Variants in COL25A1 observed in about 807,000 individuals in gnomAD.
COL25A1 encodes collagen type XXV alpha 1 chain.
COL25A1 carries 103 observed loss-of-function variants against 128.4 expected under a neutral mutation model. The observed-to-expected ratio is 0.80, with a 90% CI of 0.68 to 0.94. COL25A1 has a LOEUF of 0.94. COL25A1 is among the 40% of genes least tolerant of loss of function. COL25A1 has a pLI of 0.00. For missense variants in COL25A1, 745 were observed against 840.0 expected, an observed-to-expected ratio of 0.89 and a Z score of 1.40; for synonymous variants, 279 against 277.2, an observed-to-expected ratio of 1.01 and a Z score of -0.06.
chr4:109,193,042 C>T (rs1352794134), intron 3 of COL25A1, among the ~76,000 whole-genome samples: 1 of 151,958 alleles, frequency 6.6e-6, no homozygotes, highest in African/African-American at 2.4e-5. Flanking sequence ...ATTTCTATAT[C>T]GTTGTGTAAT....
At chr4:108,910,142 G>A (rs1744035455) in intron 13 of COL25A1, among the ~76,000 whole-genome samples, 1 of 152,112 alleles carries the variant, frequency 6.6e-6, no homozygotes, top group African/African-American at 2.4e-5. Context: ...CATTTTTAAA[G>A]TCTTAAAACC....
rs940715059 is a variant in COL25A1, at chr4:108,811,580, A to C, written c.*2347T>G. ...AGGGAAAAAAATATAGCCACTGGAC[A>C]CTGTAGTTTGTTTTCCTGAAGAGAA... is the stretch of plus-strand genomic sequence containing the variant. On this transcript the variant is annotated 3_prime_UTR_variant, in exon 38 of 38. Transcript: ENST00000399132. 7.9e-5 allele frequency: 12 copies of C among 152,102 alleles called. No individual in the cohort carries two copies. Among genetic ancestry groups the C allele is most frequent in the African/African-American group, 2.9e-4 (12 of 41,446 alleles). The allele number at this position is 152,102 out of a possible 1,614,324, so 9.4% of individuals were successfully genotyped here. A position where few individuals can be genotyped will look rare whatever the true frequency, so the allele number is the denominator to read the frequency against.
At chr4:108,961,056 C>T (rs1750626086) in intron 8 of COL25A1, among the ~76,000 whole-genome samples, 1 of 152,020 alleles carries the variant, frequency 6.6e-6, no homozygotes, top group African/African-American at 2.4e-5. Flanking sequence ...AATTTTTGTG[C>T]AAAAAGCTAA....
chr4:109,128,294 G>T (rs192531472), intron 3 of COL25A1, among the ~76,000 whole-genome samples: 5 of 152,270 alleles, frequency 3.3e-5, no homozygotes, highest in Non-Finnish European at 7.3e-5. Flanking sequence ...ACCATTCCTT[G>T]TTCAAAATTT....
intron 13 of COL25A1, among the ~76,000 whole-genome samples, chr4:108,913,261 C>CTTTTTTTTTTTTTTGTTTTT (rs1744456767): frequency 1.1e-5 from 1 of 92,396 alleles, no homozygotes; most frequent in Non-Finnish European, 2.1e-5. Context: ...TCTCTAGCTC[C>CTTTTTTTTTTTTTTGTTTTT]TTTTTTTTTT....
In COL25A1 at chr4:109,062,316, G is replaced by A. The variant is rs185220471; in HGVS notation, c.368-12137C>T. On this transcript the variant is annotated intron_variant, in intron 3 of 37. Coordinates refer to ENST00000399132, the MANE Select transcript of COL25A1 (RefSeq NM_198721.4). ...AAGGTAATTTCAAAGTAGAATTTGA[G>A]TTATTTTATTTTGCAACTTAACTAT... 5.9e-5 allele frequency among the ~76,000 whole-genome samples: 9 copies of A among 152,250 alleles called. No homozygotes were observed. In the East Asian group the frequency reaches 1.4e-3, roughly 23 times the overall value.
intron 3 of COL25A1, among the ~76,000 whole-genome samples, chr4:109,232,360 A>T (rs1394787310): frequency 1.3e-5 from 2 of 151,968 alleles, no homozygotes; most frequent in Non-Finnish European, 2.9e-5. Flanking sequence ...TTACAAGATG[A>T]CTTTAGATAT....
chr4:108,855,191 G>GTTTTTT (rs35873529), intron 24 of COL25A1, among the ~76,000 whole-genome samples: 1 of 131,936 alleles, frequency 7.6e-6, no homozygotes, highest in Non-Finnish European at 1.6e-5. Context: ...TGTTGTTACT[G>GTTTTTT]TTTTTTTTTT....
intron 3 of COL25A1, among the ~76,000 whole-genome samples, chr4:109,163,856 T>C (rs1772816432): frequency 6.6e-6 from 1 of 152,184 alleles, no homozygotes. Flanking sequence ...AATAAATAAT[T>C]CATAAGGATT....
chr4:109,037,494 C>T (rs1759461139), intron 5 of COL25A1, among the ~76,000 whole-genome samples: 1 of 152,194 alleles, frequency 6.6e-6, no homozygotes, highest in Non-Finnish European at 1.5e-5. Context: ...CTTGGCCAGC[C>T]CCTCTGCTGG....
chr4:109,065,550 G>A (rs1415666040), intron 3 of COL25A1, among the ~76,000 whole-genome samples: 7 of 85,314 alleles, frequency 8.2e-5, no homozygotes, highest in Non-Finnish European at 2.0e-4. Flanking sequence ...GCGCGCGTGT[G>A]TGTGTGTGTG....
intron 3 of COL25A1, among the ~76,000 whole-genome samples, chr4:109,225,407 CCAT>C (rs1310201774): frequency 6.6e-6 from 1 of 152,106 alleles, no homozygotes; most frequent in African/African-American, 2.4e-5. Flanking sequence ...CAATGAGATA[CCAT>C]CTTACTCCAG....
At chr4:109,049,402 A>T (rs1206460180) in intron 4 of COL25A1, among the ~76,000 whole-genome samples, 2 of 152,204 alleles carry the variant, frequency 1.3e-5, no homozygotes, top group Non-Finnish European at 2.9e-5. Context: ...AAGAAATTTT[A>T]CTTGACTTTT....
chr4:109,260,082 T>G (rs1200383330), intron 3 of COL25A1, among the ~76,000 whole-genome samples: 3 of 152,196 alleles, frequency 2.0e-5, no homozygotes, highest in Non-Finnish European at 4.4e-5. Flanking sequence ...GTAGAACAGG[T>G]GAAAAAACTG....
intron 3 of COL25A1, among the ~76,000 whole-genome samples, chr4:109,108,687 TC>T (rs1766690996): frequency 1.4e-5 from 2 of 142,686 alleles, no homozygotes; most frequent in Admixed American, 1.4e-4. Flanking sequence ...TATTAATAAC[TC>T]CTCTCTCTTT....
At chr4:109,133,252 T>A (rs892197428) in intron 3 of COL25A1, among the ~76,000 whole-genome samples, 2 of 152,108 alleles carry the variant, frequency 1.3e-5, no homozygotes, top group Admixed American at 6.6e-5. Flanking sequence ...ATATATTTTG[T>A]AGTTATGATA....
chr4:108,832,017 T>C (rs1480252748), intron 32 of COL25A1, among the ~76,000 whole-genome samples: 1 of 151,378 alleles, frequency 6.6e-6, no homozygotes, highest in African/African-American at 2.4e-5. Context: ...AGTAGCTTTA[T>C]ATAAAAGATT....
chr4:108,827,087 C>T (rs1732482145), intron 33 of COL25A1, 48 bp downstream of exon 33: 1 of 1,543,488 alleles, frequency 6.5e-7, no homozygotes, highest in Admixed American at 1.7e-5. Context: ...AGTGACTGGT[C>T]ATCTATGCAT....
intron 3 of COL25A1, among the ~76,000 whole-genome samples, chr4:109,266,145 G>T (rs1278666625): frequency 6.6e-6 from 1 of 152,130 alleles, no homozygotes; most frequent in Non-Finnish European, 1.5e-5. Flanking sequence ...CACATGAAAA[G>T]TTTTTTAACT....
Sources: gnomAD v4.1 joint callset for allele counts (sites outside exome capture counted in the v4.1 genomes callset) on GRCh38, gnomAD v4.1.1 for gene constraint, MANE v1.5 for transcripts, NCBI Gene and HGNC (gene_info 2026-07-23, HGNC 2026-07-21) for gene names.